Variants in SLC13A1 observed in about 807,000 individuals in gnomAD.
SLC13A1 encodes the protein Na(+)/sulfate cotransporter.
Under a neutral mutation model 70.0 loss-of-function variants are expected in SLC13A1, and 65 were observed. The observed-to-expected ratio is 0.93, with a 90% CI of 0.76 to 1.14. The LOEUF is 1.14. Among genes scored for constraint, SLC13A1 ranks in the 50% most tolerant of loss-of-function variants. The pLI, the probability that SLC13A1 is intolerant of heterozygous loss-of-function variation, is 0.00. For synonymous variants in SLC13A1, 275 were observed against 250.5 expected (o/e 1.10, Z -0.92); for missense variants, 726 against 717.8 (o/e 1.01, Z -0.13).
intron 6 of SLC13A1, among the ~76,000 whole-genome samples, chr7:123,155,069 G>A (rs1324889936): frequency 6.6e-6 from 1 of 151,804 alleles, no homozygotes; most frequent in African/African-American, 2.4e-5. Flanking sequence ...GAGCTTTTAG[G>A]GTCATCTTAT....
intron 10 of SLC13A1, 95 bp downstream of exon 10, chr7:123,128,750 T>C: frequency 1.3e-6 from 1 of 759,106 alleles, no homozygotes; most frequent in East Asian, 2.7e-5. Flanking sequence ...GAAAGAAAAA[T>C]ATCTCATCCA....
intron 1 of SLC13A1, among the ~76,000 whole-genome samples, chr7:123,196,848 G>A (rs1455392003): frequency 1.3e-5 from 2 of 152,052 alleles, no homozygotes; most frequent in Non-Finnish European, 2.9e-5. Context: ...ATATACAAAA[G>A]ACTAAAACAA....
intron 6 of SLC13A1, among the ~76,000 whole-genome samples, chr7:123,155,051 C>G (rs193050782): frequency 2.6e-5 from 4 of 152,040 alleles, no homozygotes; most frequent in Non-Finnish European, 4.4e-5. Context: ...GTGTTTCTTC[C>G]TTTTTGAGAG....
At chr7:123,139,655 C>T (rs1317719200) in intron 7 of SLC13A1, among the ~76,000 whole-genome samples, 1 of 151,800 alleles carries the variant, frequency 6.6e-6, no homozygotes, top group East Asian at 1.9e-4. Flanking sequence ...TTCTTAGGTA[C>T]TTAGTTTTAT....
chr7:123,164,227 T>C (rs1000492134), intron 6 of SLC13A1, among the ~76,000 whole-genome samples: 6 of 151,984 alleles, frequency 3.9e-5, no homozygotes, highest in African/African-American at 1.4e-4. Context: ...TCTTAACTAA[T>C]ATTACTGTCT....
intron 14 of SLC13A1, among the ~76,000 whole-genome samples, chr7:123,117,079 T>C (rs1476555443): frequency 6.6e-6 from 1 of 152,192 alleles, no homozygotes; most frequent in Non-Finnish European, 1.5e-5. Flanking sequence ...GGTGCATAAA[T>C]GTTTGTGATA....
At chr7:123,150,554 T>A (rs113158969) in intron 6 of SLC13A1, among the ~76,000 whole-genome samples, 1,902 of 152,212 alleles carry the variant, frequency 0.012, 35 homozygotes, top group African/African-American at 0.042. Flanking sequence ...GCCAAACTAC[T>A]CGAAAGAGTT....
In SLC13A1 at chr7:123,119,208, AATTT is replaced by A; in HGVS notation, c.1381_1384del (p.Lys461TyrfsTer11). On this transcript the variant is annotated frameshift_variant, in exon 13 of 15. Coordinates refer to ENST00000194130, the MANE Select transcript of SLC13A1 (RefSeq NM_022444.4). LOFTEE classifies it high-confidence loss of function. ...TGCTGGTAATGAACCCAGAGGAGAT[AATTT>A]ATTTCCTATCCACTTAGATAATCCA... 6.2e-7 allele frequency: 1 copy of A among 1,611,302 alleles called. No individual in the cohort carries two copies. The highest frequency in any genetic ancestry group is 8.5e-7 in the Non-Finnish European group (1 of 1,178,438).
At chr7:123,195,944 C>T (rs998488092) in intron 1 of SLC13A1, among the ~76,000 whole-genome samples, 1 of 151,944 alleles carries the variant, frequency 6.6e-6, no homozygotes, top group Non-Finnish European at 1.5e-5. Context: ...ATTTTCCCCT[C>T]TTACTTCTAA....
intron 9 of SLC13A1, 29 bp downstream of exon 9, chr7:123,129,353 TG>T: frequency 1.8e-6 from 2 of 1,132,848 alleles, no homozygotes; most frequent in East Asian, 2.4e-5. Context: ...TGTGTGTGTG[TG>T]TGTGTGTGTG....
chr7:123,149,925 ACT>A (rs760405740), intron 6 of SLC13A1, among the ~76,000 whole-genome samples: 1 of 151,840 alleles, frequency 6.6e-6, no homozygotes, highest in East Asian at 1.9e-4. Flanking sequence ...AAAACTCCAA[ACT>A]CTCTTTCTTG....
intron 7 of SLC13A1, among the ~76,000 whole-genome samples, chr7:123,145,805 A>G (rs1794330236): frequency 6.6e-6 from 1 of 152,124 alleles, no homozygotes; most frequent in African/African-American, 2.4e-5. Flanking sequence ...GAACACAAAC[A>G]CCCATTCTTT....
At chr7:123,123,890 GC>G (rs1340490322) in intron 11 of SLC13A1, among the ~76,000 whole-genome samples, 3 of 152,016 alleles carry the variant, frequency 2.0e-5, no homozygotes, top group African/African-American at 4.8e-5. Flanking sequence ...GACATATTCT[GC>G]CCATTTAACT....
chr7:123,136,687 C>G (rs2470985), intron 7 of SLC13A1, among the ~76,000 whole-genome samples: 92,034 of 151,940 alleles, frequency 0.61, 28,061 homozygotes, highest in African/African-American at 0.67. Context: ...CTTTCATGAA[C>G]TTTATGTTAA....
intron 11 of SLC13A1, among the ~76,000 whole-genome samples, chr7:123,123,453 G>T (rs1474220184): frequency 1.3e-5 from 2 of 151,900 alleles, no homozygotes; most frequent in African/African-American, 4.8e-5. Context: ...AAAATCCTTT[G>T]GGTAATATTA....
intron 2 of SLC13A1, among the ~76,000 whole-genome samples, chr7:123,175,946 G>A (rs1795433674): frequency 6.6e-6 from 1 of 152,172 alleles, no homozygotes; most frequent in Non-Finnish European, 1.5e-5. Context: ...GGGCCAAGCA[G>A]TAAATATTCT....
intron 6 of SLC13A1, among the ~76,000 whole-genome samples, chr7:123,156,869 G>C (rs940910179): frequency 2.6e-5 from 4 of 151,968 alleles, no homozygotes; most frequent in African/African-American, 7.2e-5. Flanking sequence ...CAACTCTCCT[G>C]CTGTGCCTTC....
intron 1 of SLC13A1, among the ~76,000 whole-genome samples, chr7:123,196,464 A>T (rs1369891610): frequency 6.6e-6 from 1 of 152,034 alleles, no homozygotes; most frequent in Non-Finnish European, 1.5e-5. Flanking sequence ...GTCAGACAGA[A>T]GTTGGTTGGA....
intron 6 of SLC13A1, among the ~76,000 whole-genome samples, chr7:123,165,674 T>C (rs1216631391): frequency 1.3e-5 from 2 of 152,186 alleles, no homozygotes; most frequent in Non-Finnish European, 2.9e-5. Flanking sequence ...CTCCTTTGCA[T>C]TGGATGAAGA....
Sources: allele counts gnomAD v4.1 joint callset (sites outside exome capture counted in the v4.1 genomes callset), GRCh38; gene constraint gnomAD v4.1.1; transcripts MANE v1.5; gene names NCBI Gene and HGNC (gene_info 2026-07-23, HGNC 2026-07-21).